MAP3K20: variants seen among roughly 807,000 people sequenced by gnomAD.
MAP3K20 encodes mitogen-activated protein kinase kinase kinase 20.
Under a neutral mutation model 85.7 loss-of-function variants are expected in MAP3K20, and 40 were observed. The observed-to-expected ratio is 0.47, with a 90% confidence interval of 0.36 to 0.61. The LOEUF (loss-of-function observed/expected upper bound fraction) is 0.61. Among genes scored for constraint, MAP3K20 ranks in the 20% least tolerant of loss-of-function variants. The probability of loss-of-function intolerance (pLI) is 0.00; values close to 1 mark genes in which losing one functional copy is unlikely to be tolerated. For synonymous variants in MAP3K20, 325 were observed against 327.7 expected, an observed-to-expected ratio of 0.99 and a Z score of 0.09; for missense variants, 817 against 961.7, an observed-to-expected ratio of 0.85 and a Z score of 1.99.
At chr2:173,205,116 A>C (rs1334263653) in intron 9 of MAP3K20, among the ~76,000 whole-genome samples, 26 of 141,812 alleles carry the variant, frequency 1.8e-4, no homozygotes, top group Non-Finnish European at 3.5e-4. Flanking sequence ...AAAAAAAAAA[A>C]AAAAAATAAA....
intron 2 of MAP3K20, among the ~76,000 whole-genome samples, chr2:173,116,703 A>G (rs772670315): frequency 3.9e-5 from 6 of 152,140 alleles, no homozygotes; most frequent in African/African-American, 1.4e-4. Flanking sequence ...ATCCACCCTA[A>G]TAACCTCTGA....
At chr2:173,191,596 G>A (rs551984293) in intron 7 of MAP3K20, among the ~76,000 whole-genome samples, 4 of 152,186 alleles carry the variant, frequency 2.6e-5, no homozygotes, top group Admixed American at 6.5e-5. Context: ...TCTGCCAAGC[G>A]AGTTAATTAC....
chr2:173,226,047 T>C (rs1192570503), intron 11 of MAP3K20: 1 of 985,446 alleles, frequency 1.0e-6, no homozygotes, highest in South Asian at 4.7e-5. Context: ...GTTGAAAGCC[T>C]ACAGCTCACT....
intron 2 of MAP3K20, among the ~76,000 whole-genome samples, chr2:173,141,651 G>A (rs1688976113): frequency 6.6e-6 from 1 of 152,102 alleles, no homozygotes; most frequent in Non-Finnish European, 1.5e-5. Flanking sequence ...AAAAATATGT[G>A]AAGAAATGAT....
chr2:173,234,358 T>C (rs989779429), intron 14 of MAP3K20, among the ~76,000 whole-genome samples: 2 of 152,178 alleles, frequency 1.3e-5, no homozygotes, highest in African/African-American at 4.8e-5. Flanking sequence ...GTTCAAAAAA[T>C]TCAGTGAATG....
At chr2:173,260,300 A>G (rs1558916038) in intron 17 of MAP3K20, among the ~76,000 whole-genome samples, 1 of 152,112 alleles carries the variant, frequency 6.6e-6, no homozygotes, top group South Asian at 2.1e-4. Flanking sequence ...CCCAGGAGGA[A>G]GAGGTTGCAG....
intron 16 of MAP3K20, among the ~76,000 whole-genome samples, chr2:173,246,518 C>T (rs182593866): frequency 6.6e-6 from 1 of 152,276 alleles, no homozygotes; most frequent in East Asian, 1.9e-4. Flanking sequence ...TATCAGCTCA[C>T]CACGCAGGAA....
At chr2:173,096,544 T>G (rs1687467214) in intron 2 of MAP3K20, among the ~76,000 whole-genome samples, 1 of 152,130 alleles carries the variant, frequency 6.6e-6, no homozygotes, top group Non-Finnish European at 1.5e-5. Flanking sequence ...TTCACCGTGT[T>G]AGCCAGGATG....
At chr2:173,096,314 A>G (rs1687458244) in intron 2 of MAP3K20, among the ~76,000 whole-genome samples, 1 of 151,076 alleles carries the variant, frequency 6.6e-6, no homozygotes, top group African/African-American at 2.4e-5. Context: ...AGCTGTGGCA[A>G]TGTATGTCAC....
rs1359436114 is a variant in MAP3K20 at position 173,267,446 on chromosome 2, GTGTC to G, written c.*700_*703del. 1 of 151,870 alleles carries G rather than the reference GTGTC, an allele frequency of 6.6e-6. No individual in the cohort carries two copies. The highest frequency in any genetic ancestry group is 2.4e-5 in the African/African-American group (1 of 41,324). 9.4% of individuals were successfully genotyped at this position (151,870 alleles called of 1,614,324 possible). The stretch of plus-strand genomic sequence containing the variant: ...TAGTATTTATTTTAGTAAGATATTT[GTGTC>G]TGTATGATGGTCAGAGTTGAACTGA... On this transcript the variant is annotated 3_prime_UTR_variant, in exon 20 of 20. Transcript: ENST00000375213.
intron 9 of MAP3K20, among the ~76,000 whole-genome samples, chr2:173,204,570 A>G (rs1440786453): frequency 1.3e-5 from 2 of 152,232 alleles, no homozygotes; most frequent in Admixed American, 6.5e-5. Flanking sequence ...TGAATGGCCC[A>G]TATCCTTTCC....
In MAP3K20 at chr2:173,241,947, A is replaced by G. The variant is rs562261838; in HGVS notation, c.1359+2451A>G. Among the ~76,000 whole-genome samples, 95 of 152,282 alleles carry G rather than the reference A, an allele frequency of 6.2e-4. 2 individuals carry two copies. Among genetic ancestry groups the G allele is most frequent in the African/African-American group, 2.1e-3 (89 of 41,556 alleles). ...AAAGTAAGTTCTTCTGTCTCCAACA[A>G]TATCAGAAGCACTTCTAACCCTGAG... On this transcript the variant is annotated intron_variant, in intron 16 of 19. Coordinates refer to ENST00000375213, the MANE Select transcript of MAP3K20 (RefSeq NM_016653.3).
rs779178736 is a variant in MAP3K20, at chr2:173,198,088, T to C, written c.645T>C (p.Ala215=). 5.0e-6 allele frequency: 8 copies of C among 1,612,996 alleles called. No homozygotes were observed. The African/African-American group carries it at 1.1e-4, about 22-fold the overall frequency. The part of the protein sequence containing the change: ...PFKGLEGLQV[A]WLVVEKNERL... Reference sequence around the variant, plus strand: ...AAGGTTTGGAAGGATTACAAGTAGCTTGGCTTGTAGTGGAAAAAAACGAGG... The same window carrying C: ...AAGGTTTGGAAGGATTACAAGTAGCCTGGCTTGTAGTGGAAAAAAACGAGG... Residue 215 remains alanine, a synonymous_variant, in exon 8 of 20, where the codon GCT becomes GCC. Transcript: ENST00000375213. This position sits in a 1 kb window ranked among gnomAD's most constrained non-coding sequence, Gnocchi z 5.8.
intron 2 of MAP3K20, among the ~76,000 whole-genome samples, chr2:173,122,251 G>A (rs1405538251): frequency 1.3e-5 from 2 of 152,198 alleles, no homozygotes; most frequent in African/African-American, 4.8e-5. Context: ...CTGTTCTTTG[G>A]GGGTCACCCC....
rs114109088 is a variant in MAP3K20 at position 173,172,124 on chromosome 2, T to C, written c.247+2232T>C. Among the ~76,000 whole-genome samples, 1,370 of 152,310 alleles carry C rather than the reference T, an allele frequency of 9.0e-3. 17 individuals carry two copies. The highest frequency in any genetic ancestry group is 0.031 in the African/African-American group (1,276 of 41,566). On this transcript the variant is annotated intron_variant, in intron 3 of 19. Transcript: ENST00000375213. ...GTGAAGAAATCACATGGATTAGTGA[T>C]GACGACACTTACTCTGCCACTGGAA...
chr2:173,207,182 A>G (rs1305039689), intron 9 of MAP3K20, among the ~76,000 whole-genome samples: 1 of 152,116 alleles, frequency 6.6e-6, no homozygotes, highest in Non-Finnish European at 1.5e-5. Flanking sequence ...TCCTAAAATG[A>G]CATTTCTAAA....
chr2:173,134,411 TATATATATATATATA>T (rs1688726005), intron 2 of MAP3K20, among the ~76,000 whole-genome samples: 7 of 10,180 alleles, frequency 6.9e-4, no homozygotes, highest in Admixed American at 4.4e-3. Flanking sequence ...TATATATATA[TATATATATATATATA>T]TATTTTTTTT....
intron 16 of MAP3K20, among the ~76,000 whole-genome samples, chr2:173,242,706 T>C (rs1227222190): frequency 4.2e-5 from 6 of 143,026 alleles, no homozygotes; most frequent in Non-Finnish European, 9.2e-5. Context: ...TTTCTTTTTT[T>C]TTTTTTTTTT....
At chr2:173,142,553 T>C (rs1168389214) in intron 2 of MAP3K20, among the ~76,000 whole-genome samples, 1 of 151,936 alleles carries the variant, frequency 6.6e-6, no homozygotes, top group Non-Finnish European at 1.5e-5. Flanking sequence ...ATTTTATGTG[T>C]AGCACAAAAT....
Sources: allele counts gnomAD v4.1 joint callset (sites outside exome capture counted in the v4.1 genomes callset), GRCh38; gene constraint gnomAD v4.1.1; non-coding constraint Gnocchi (gnomAD v3.1); transcripts MANE v1.5; gene names NCBI Gene and HGNC (gene_info 2026-07-23, HGNC 2026-07-21).